The following DLG2 variants were observed in gnomAD, a reference collection of about 807,000 sequenced individuals.
DLG2 encodes the protein disks large homolog 2.
DLG2 carries 45 observed loss-of-function variants against 132.5 expected under a neutral mutation model. That is an observed-to-expected ratio of 0.34 (90% confidence interval 0.27 to 0.44). The LOEUF is 0.44. Among genes scored for constraint, DLG2 ranks in the 20% least tolerant of loss-of-function variants. The pLI is 1.00. For missense variants in DLG2, 1,045 were observed against 1,196.9 expected, an observed-to-expected ratio of 0.87 and a Z score of 1.87; for synonymous variants, 424 against 419.6, an observed-to-expected ratio of 1.01 and a Z score of -0.13.
intron 14 of DLG2, among the ~76,000 whole-genome samples, chr11:83,960,293 TGTG>T (rs1379913777): frequency 6.6e-6 from 1 of 152,072 alleles, no homozygotes; most frequent in African/African-American, 2.4e-5. Flanking sequence ...AAGTGTCTCT[TGTG>T]GTGTTAGGGA....
intron 9 of DLG2, among the ~76,000 whole-genome samples, chr11:84,117,558 G>A (rs1259531429): frequency 6.6e-6 from 1 of 151,944 alleles, no homozygotes; most frequent in Non-Finnish European, 1.5e-5. Flanking sequence ...GTATCTAAAC[G>A]TGGTTTAAGC....
chr11:84,370,409 G>A (rs1165817849), intron 7 of DLG2, among the ~76,000 whole-genome samples: 4 of 152,108 alleles, frequency 2.6e-5, no homozygotes, highest in Non-Finnish European at 5.9e-5. Context: ...AAAGGAAGTG[G>A]CATGGTAATA....
At chr11:85,619,416 G>A (rs2081550087) in intron 2 of DLG2, among the ~76,000 whole-genome samples, 1 of 151,858 alleles carries the variant, frequency 6.6e-6, no homozygotes, top group South Asian at 2.1e-4. Context: ...TTGACTTACA[G>A]AAAATGCAAA....
At chr11:84,188,757 G>T (rs1350646776) in intron 8 of DLG2, among the ~76,000 whole-genome samples, 1 of 151,888 alleles carries the variant, frequency 6.6e-6, no homozygotes, top group African/African-American at 2.4e-5. Context: ...TTATTCTTTT[G>T]CCAGATTATC....
intron 19 of DLG2, among the ~76,000 whole-genome samples, chr11:83,586,403 A>G (rs1040997414): frequency 7.2e-5 from 11 of 152,242 alleles, no homozygotes; most frequent in African/African-American, 2.7e-4. Context: ...CAGCTAGGTG[A>G]CTGGGTCAAT....
chr11:85,010,599 GC>G (rs1323710018), intron 6 of DLG2, among the ~76,000 whole-genome samples: 1 of 152,014 alleles, frequency 6.6e-6, no homozygotes, highest in Non-Finnish European at 1.5e-5. Flanking sequence ...TCTTCCACCT[GC>G]ATTGTCCAAA....
chr11:84,324,558 T>A (rs557354086), intron 7 of DLG2, among the ~76,000 whole-genome samples: 80 of 152,258 alleles, frequency 5.3e-4, no homozygotes, highest in South Asian at 6.2e-4. Flanking sequence ...TGATTTTTTT[T>A]AAATTTTCCT....
intron 9 of DLG2, among the ~76,000 whole-genome samples, chr11:84,155,677 A>T (rs11233929): frequency 0.045 from 6,865 of 151,882 alleles, 208 homozygotes; most frequent in Non-Finnish European, 0.074. Flanking sequence ...TTATTCCAAC[A>T]CCTTTAACCA....
intron 6 of DLG2, among the ~76,000 whole-genome samples, chr11:85,102,563 A>T (rs2071047581): frequency 6.6e-6 from 1 of 152,058 alleles, no homozygotes; most frequent in African/African-American, 2.4e-5. Context: ...AAAAACAAAC[A>T]TCAAAAGAAA....
intron 6 of DLG2, among the ~76,000 whole-genome samples, chr11:85,034,288 C>T (rs1315362061): frequency 1.3e-5 from 2 of 151,982 alleles, no homozygotes; most frequent in African/African-American, 2.4e-5. Context: ...CCATGTTAGC[C>T]GGGATGGTCT....
intron 6 of DLG2, among the ~76,000 whole-genome samples, chr11:84,885,701 A>G (rs762498943): frequency 9.2e-5 from 14 of 152,112 alleles, no homozygotes; most frequent in Non-Finnish European, 1.9e-4. Context: ...TACCTGGTGC[A>G]TAGTAGGTAT....
intron 6 of DLG2, among the ~76,000 whole-genome samples, chr11:84,964,096 AT>A (rs1204902526): frequency 6.6e-6 from 1 of 152,148 alleles, no homozygotes; most frequent in African/African-American, 2.4e-5. Context: ...AAGAAAAAAC[AT>A]TAAGGCAGCC....
intron 18 of DLG2, among the ~76,000 whole-genome samples, chr11:83,749,232 C>G (rs146124559): frequency 6.6e-6 from 1 of 152,168 alleles, no homozygotes; most frequent in South Asian, 2.1e-4. Flanking sequence ...AGAGAGGCAA[C>G]CTTTTTGCCT....
intron 3 of DLG2, among the ~76,000 whole-genome samples, chr11:85,423,058 C>T (rs193253024): frequency 1.4e-3 from 219 of 152,074 alleles, no homozygotes; most frequent in African/African-American, 5.0e-3. Flanking sequence ...GGTTCCTTCT[C>T]ATTTGGTTAG....
intron 19 of DLG2, among the ~76,000 whole-genome samples, chr11:83,551,420 A>C (rs2096388361): frequency 6.6e-6 from 1 of 152,150 alleles, no homozygotes; most frequent in African/African-American, 2.4e-5. Flanking sequence ...AACTCGTTTT[A>C]CTCATGAGTA....
At chr11:83,986,287 C>T (rs1218309896) in intron 11 of DLG2, among the ~76,000 whole-genome samples, 1 of 151,046 alleles carries the variant, frequency 6.6e-6, no homozygotes, top group Non-Finnish European at 1.5e-5. Context: ...TCAATTCCCA[C>T]CTATGAGTGA....
At chr11:83,490,110 G>C (rs934987258) in intron 21 of DLG2, among the ~76,000 whole-genome samples, 2 of 151,962 alleles carry the variant, frequency 1.3e-5, no homozygotes, top group African/African-American at 4.8e-5. Flanking sequence ...GAATGTTTTA[G>C]AGAAATGGCT....
chr11:83,493,676 CT>C (rs2093997908), intron 21 of DLG2, among the ~76,000 whole-genome samples: 1 of 152,058 alleles, frequency 6.6e-6, no homozygotes, highest in Non-Finnish European at 1.5e-5. Context: ...AGACTGGCTC[CT>C]TAAGTAAAGT....
intron 18 of DLG2, among the ~76,000 whole-genome samples, chr11:83,760,652 G>A (rs1297943800): frequency 6.6e-6 from 1 of 151,872 alleles, no homozygotes; most frequent in Non-Finnish European, 1.5e-5. Context: ...CACTGCTCCT[G>A]GCCCACCATC....
Sources: gnomAD v4.1 joint callset for allele counts (sites outside exome capture counted in the v4.1 genomes callset) on GRCh38, gnomAD v4.1.1 for gene constraint, MANE v1.5 for transcripts, NCBI Gene and HGNC (gene_info 2026-07-23, HGNC 2026-07-21) for gene names.